The following THSD7A variants were observed in gnomAD, a reference collection of about 807,000 sequenced individuals.
The protein encoded by THSD7A is thrombospondin type-1 domain-containing protein 7A.
A neutral mutation model predicts 231.3 loss-of-function variants in THSD7A; 96 were observed. That is an observed-to-expected ratio of 0.41 (90% CI 0.35 to 0.49). The LOEUF (loss-of-function observed/expected upper bound fraction) is 0.49. Ranked by LOEUF, THSD7A falls within the 20% of genes least tolerant of loss-of-function variation. THSD7A has a pLI of 0.05. For synonymous variants in THSD7A, 940 were observed against 743.3 expected (o/e 1.26, Z -4.30); for missense variants, 2,290 against 2,070.2 (o/e 1.11, Z -2.06).
chr7:11,412,797 A>G lies in THSD7A; in HGVS notation c.3541T>C (p.Cys1181Arg). Residue 1181 changes from cysteine (C) to arginine (R), a missense_variant, in exon 18 of 28, where the codon TGC becomes CGC. Transcript: ENST00000423059. ...CTTTGCCGGAAACTGCTTTGATTGC[A>G]AGGCTTAAAAAGAACAGTACAAATT... is the stretch of plus-strand genomic sequence containing the variant. The part of the protein sequence containing the change: ...WGPWTQCVLP[C>R]NQSSFRQRSA... 6.2e-7 allele frequency: 1 copy of G among 1,610,320 alleles called. No individual in the cohort carries two copies. Among genetic ancestry groups the G allele is most frequent in the Non-Finnish European group, 8.5e-7 (1 of 1,177,928 alleles).
In THSD7A at chr7:11,401,737, T is replaced by C. The variant is rs1783411349; in HGVS notation, c.4411+58A>G. 5.3e-5 allele frequency: 51 copies of C among 969,304 alleles called. No individual in the cohort carries two copies. The South Asian group carries it at 1.1e-3, about 21-fold the overall frequency. The allele number at this position is 969,304 out of a possible 1,614,324, so 60.0% of individuals were successfully genotyped here. On this transcript the variant is annotated intron_variant, in intron 23 of 27. Transcript: ENST00000423059. The stretch of plus-strand genomic sequence containing the variant: ...AACTTTGTTTATTTTTAACAGACTA[T>C]TTTTTTTTTAATCTTATGCTTTTGC...
intron 4 of THSD7A, among the ~76,000 whole-genome samples, chr7:11,571,936 G>T (rs184046718): frequency 6.6e-6 from 1 of 151,432 alleles, no homozygotes; most frequent in Non-Finnish European, 1.5e-5. Flanking sequence ...TCTTTAAGTT[G>T]ATGTTTTTTT....
chr7:11,644,732 AT>A (rs1412629512), intron 1 of THSD7A, among the ~76,000 whole-genome samples: 6 of 151,976 alleles, frequency 3.9e-5, no homozygotes, highest in African/African-American at 1.4e-4. Context: ...ACAATAATCT[AT>A]TTTTAGGATC....
intron 1 of THSD7A, among the ~76,000 whole-genome samples, chr7:11,829,928 T>C (rs926832330): frequency 6.6e-6 from 1 of 152,192 alleles, no homozygotes; most frequent in Non-Finnish European, 1.5e-5. Flanking sequence ...TAGCTTACAT[T>C]TGCATACAGC....
rs116861106 is a variant in THSD7A at position 11,806,093 on chromosome 7, T to C, written c.190+25664A>G. Among the ~76,000 whole-genome samples, 457 of 152,278 alleles carry C rather than the reference T, an allele frequency of 3.0e-3. 20 individuals carry two copies. The East Asian group carries it at 0.079, about 26-fold the overall frequency. On this transcript the variant is annotated intron_variant, in intron 1 of 27. Transcript: ENST00000423059. ...TTATCTTTTCAGGTTTTCTCTTTGG[T>C]TGCTAAAGCACATTTAATTTTTGTA...
chr7:11,520,167 G>T (rs1391792647), intron 6 of THSD7A: 1 of 152,228 alleles, frequency 6.6e-6, no homozygotes, highest in Non-Finnish European at 1.5e-5. Flanking sequence ...CTACTGAGAT[G>T]TAATATGGTG....
intron 1 of THSD7A, among the ~76,000 whole-genome samples, chr7:11,793,280 G>A (rs918690793): frequency 1.3e-5 from 2 of 151,794 alleles, no homozygotes; most frequent in African/African-American, 2.4e-5. Context: ...AACAATGGCC[G>A]AATCTTCAGC....
rs182495816 is a variant in THSD7A at position 11,681,322 on chromosome 7, G to A, written c.191-44361C>T. ...AATACCATTCAGGACATAGGCATGG[G>A]CAATGTATACCTACGTAACAAACCT... On this transcript the variant is annotated intron_variant, in intron 1 of 27. Coordinates refer to ENST00000423059, the MANE Select transcript of THSD7A (RefSeq NM_015204.3). 9.5e-4 allele frequency among the ~76,000 whole-genome samples: 145 copies of A among 151,946 alleles called. 1 individual carries two copies. Among genetic ancestry groups the A allele is most frequent in the Admixed American group, 9.4e-3 (144 of 15,242 alleles).
chr7:11,498,701 C>T (rs927494292), intron 6 of THSD7A, among the ~76,000 whole-genome samples: 3 of 152,284 alleles, frequency 2.0e-5, no homozygotes, highest in South Asian at 4.1e-4. Flanking sequence ...CTAGGGTCTC[C>T]AGCCACTTCA....
intron 6 of THSD7A, among the ~76,000 whole-genome samples, chr7:11,509,656 T>C (rs2128312931): frequency 6.7e-6 from 1 of 150,306 alleles, no homozygotes; most frequent in Admixed American, 6.6e-5. Flanking sequence ...CCGTCTCTAT[T>C]AAAAATACAA....
chr7:11,718,773 A>G (rs1781235239), intron 1 of THSD7A, among the ~76,000 whole-genome samples: 1 of 151,706 alleles, frequency 6.6e-6, no homozygotes, highest in Non-Finnish European at 1.5e-5. Flanking sequence ...TTTAAAAAAC[A>G]AAACAATATA....
At chr7:11,755,223 A>T (rs2128166146) in intron 1 of THSD7A, among the ~76,000 whole-genome samples, 1 of 152,242 alleles carries the variant, frequency 6.6e-6, no homozygotes, top group Middle Eastern at 3.4e-3. Context: ...AAATTTCAAC[A>T]GTGCCAAAAT....
chr7:11,712,246 G>C lies in THSD7A; in HGVS notation c.191-75285C>G, dbSNP rs368802031. On this transcript the variant is annotated intron_variant, in intron 1 of 27. Coordinates refer to ENST00000423059, the MANE Select transcript of THSD7A (RefSeq NM_015204.3). ...CACTGACTATACCCTACTTTTCTGG[G>C]TGATGGGCTGATCCTGTGTAATAAA... Among the ~76,000 whole-genome samples, 12 of 151,006 alleles carry C rather than the reference G, an allele frequency of 7.9e-5. No homozygotes were observed. The East Asian group carries it at 1.6e-3, about 20-fold the overall frequency.
Position 11,407,309 on chromosome 7 carries a change from T to C in THSD7A, c.3913A>G (p.Thr1305Ala). 2 of 1,611,938 alleles carry C rather than the reference T, an allele frequency of 1.2e-6. No individual in the cohort carries two copies. Among genetic ancestry groups the C allele is most frequent in the Non-Finnish European group, 1.7e-6 (2 of 1,178,884 alleles). ...WSECSQTCGL[T>A]GKMIRRRTVT... ...ATAAGTTATGGTACAAACAAACCTGTGAGGCCACATGTTTGAGAACATTCT... is the reference window on the plus strand; with the variant it reads ...ATAAGTTATGGTACAAACAAACCTGCGAGGCCACATGTTTGAGAACATTCT... Residue 1305 changes from threonine (T) to alanine (A), a missense_variant, in exon 20 of 28, where the codon ACA becomes GCA. Transcript: ENST00000423059.
chr7:11,590,308 G>A lies in THSD7A; in HGVS notation c.1453+152C>T, dbSNP rs1010771241. On this transcript the variant is annotated intron_variant, in intron 4 of 27. Transcript: ENST00000423059. This position sits in a 1 kb window ranked among gnomAD's most constrained non-coding sequence, Gnocchi z 4.4. ...TGTTAAATATTTTCACAACCATAAT[G>A]TGGATTACTGTTTACCATAGTGAAT... Among the ~76,000 whole-genome samples the A allele has an allele frequency of 2.0e-5, 3 of 152,164 alleles. No individual in the cohort carries two copies. The highest frequency in any genetic ancestry group is 2.9e-5 in the Non-Finnish European group (2 of 68,036).
intron 1 of THSD7A, among the ~76,000 whole-genome samples, chr7:11,811,814 T>C (rs562765927): frequency 1.3e-5 from 2 of 152,264 alleles, no homozygotes; most frequent in East Asian, 3.9e-4. Context: ...GGATTCTTTC[T>C]GGGAAGAAAA....
intron 4 of THSD7A, among the ~76,000 whole-genome samples, chr7:11,576,028 G>A (rs1433640363): frequency 6.6e-6 from 1 of 152,060 alleles, no homozygotes; most frequent in African/African-American, 2.4e-5. Context: ...CAAATTTCAC[G>A]GTTAATGCAG....
chr7:11,601,394 C>T (rs916990559), intron 2 of THSD7A, among the ~76,000 whole-genome samples: 2 of 152,082 alleles, frequency 1.3e-5, no homozygotes, highest in African/African-American at 4.8e-5. Context: ...ATAAATTGCA[C>T]CTGCACTGGG....
At chr7:11,543,541 A>T (rs944760780) in intron 4 of THSD7A, among the ~76,000 whole-genome samples, 3 of 152,236 alleles carry the variant, frequency 2.0e-5, no homozygotes, top group Non-Finnish European at 2.9e-5. Context: ...ATGTCCACTG[A>T]GTAGTTCCTG....
Sources: gnomAD v4.1 joint callset for allele counts (sites outside exome capture counted in the v4.1 genomes callset) on GRCh38, gnomAD v4.1.1 for gene constraint, Gnocchi (gnomAD v3.1) non-coding constraint, MANE v1.5 for transcripts, NCBI Gene and HGNC (gene_info 2026-07-23, HGNC 2026-07-21) for gene names.